MEIS2: variants seen among roughly 807,000 people sequenced by gnomAD.
MEIS2 encodes Meis homeobox 2.
MEIS2 carries 9 observed loss-of-function variants against 58.6 expected under a neutral mutation model. The ratio of observed to expected loss-of-function variants is 0.15; its 90% confidence interval spans 0.09 to 0.27. MEIS2 has a LOEUF of 0.27. Ranked by LOEUF, MEIS2 falls within the 10% of genes least tolerant of loss-of-function variation. MEIS2 has a pLI of 1.00. For synonymous variants in MEIS2, 221 were observed against 228.4 expected (o/e 0.97, Z 0.29); for missense variants, 427 against 635.0 (o/e 0.67, Z 3.52).
At chr15:36,905,753 A>C (rs1476235732) in intron 9 of MEIS2, among the ~76,000 whole-genome samples, 1 of 152,252 alleles carries the variant, frequency 6.6e-6, no homozygotes, top group African/African-American at 2.4e-5. Context: ...AATATAAGAC[A>C]AAGTTATATA....
chr15:36,928,820 A>G (rs1026321557), intron 9 of MEIS2, among the ~76,000 whole-genome samples: 4 of 152,150 alleles, frequency 2.6e-5, no homozygotes, highest in East Asian at 1.9e-4. Flanking sequence ...AGTATCTTCT[A>G]TCTTCCCCTG....
intron 8 of MEIS2, among the ~76,000 whole-genome samples, chr15:36,956,840 A>G (rs1455742856): frequency 6.9e-6 from 1 of 145,700 alleles, no homozygotes; most frequent in Non-Finnish European, 1.5e-5. Flanking sequence ...GATTATGTGG[A>G]CCTTTTTCAG....
chr15:36,902,368 C>T (rs1029305738), intron 9 of MEIS2, among the ~76,000 whole-genome samples: 2 of 152,186 alleles, frequency 1.3e-5, no homozygotes, highest in Non-Finnish European at 1.5e-5. Flanking sequence ...ATGTACAATG[C>T]TATGGTGGAG....
At chr15:36,942,569 C>T (rs1406881908) in intron 9 of MEIS2, among the ~76,000 whole-genome samples, 1 of 152,138 alleles carries the variant, frequency 6.6e-6, no homozygotes, top group Non-Finnish European at 1.5e-5. Context: ...CCTACATTTA[C>T]TCATTACCAG....
chr15:36,913,609 T>C (rs2057141861), intron 9 of MEIS2, among the ~76,000 whole-genome samples: 2 of 152,168 alleles, frequency 1.3e-5, no homozygotes, highest in South Asian at 4.1e-4. Flanking sequence ...TTTAAAAACC[T>C]CAAAACTTAT....
At chr15:36,949,435 T>C (rs2058680678) in intron 9 of MEIS2, among the ~76,000 whole-genome samples, 1 of 152,162 alleles carries the variant, frequency 6.6e-6, no homozygotes, top group Middle Eastern at 3.4e-3. Context: ...TTGATAAATA[T>C]ATTAAGGAAA....
chr15:37,078,393 C>A (rs1380127540), intron 7 of MEIS2, among the ~76,000 whole-genome samples: 2 of 149,776 alleles, frequency 1.3e-5, no homozygotes, highest in African/African-American at 4.9e-5. Context: ...AAATATGGTT[C>A]TCTTTCAATT....
At chr15:37,046,632 T>C (rs991721613) in intron 7 of MEIS2, among the ~76,000 whole-genome samples, 4 of 152,176 alleles carry the variant, frequency 2.6e-5, no homozygotes, top group African/African-American at 9.7e-5. Context: ...ATTTTCCATA[T>C]CATGTTGAAT....
At chr15:37,040,076 A>ATG (rs35630750) in intron 7 of MEIS2, among the ~76,000 whole-genome samples, 23,077 of 145,428 alleles carry the variant, frequency 0.16, 1,741 homozygotes, top group South Asian at 0.22. Context: ...AAGGCTGTGT[A>ATG]TGTGTGTGTG....
intron 8 of MEIS2, among the ~76,000 whole-genome samples, chr15:37,019,870 T>C (rs2061465532): frequency 6.6e-6 from 1 of 152,188 alleles, no homozygotes; most frequent in Admixed American, 6.5e-5. Flanking sequence ...TTTGTTTAAG[T>C]AACCACTGTT....
intron 9 of MEIS2, among the ~76,000 whole-genome samples, chr15:36,944,377 A>G (rs2058483832): frequency 6.6e-6 from 1 of 152,118 alleles, no homozygotes. Flanking sequence ...ATGACTGGAA[A>G]CTGGACAGAG....
rs898783999 is a variant in MEIS2 at position 36,891,846 on chromosome 15, T to G, written c.*327A>C. The G allele has an allele frequency of 2.9e-6, 1 of 344,222 alleles. No individual in the cohort carries two copies. 21.3% of individuals were successfully genotyped at this position (344,222 alleles called of 1,614,324 possible). A position where few individuals can be genotyped will look rare whatever the true frequency, so the allele number is the denominator to read the frequency against. The stretch of plus-strand genomic sequence containing the variant: ...AAACAAGGATATATTTTTTTTTCTC[T>G]TCTAAAACTATTTGAGGCAACATAA... On this transcript the variant is annotated 3_prime_UTR_variant, in exon 12 of 12. Transcript: ENST00000561208.
intron 8 of MEIS2, among the ~76,000 whole-genome samples, chr15:37,034,759 GTGACTC>G (rs2062078319): frequency 6.6e-6 from 1 of 152,150 alleles, no homozygotes; most frequent in Admixed American, 6.5e-5. Flanking sequence ...TTTCTCCCTT[GTGACTC>G]TGAGCGTATT....
intron 9 of MEIS2, among the ~76,000 whole-genome samples, chr15:36,946,176 A>G (rs989076499): frequency 8.6e-5 from 13 of 152,002 alleles, no homozygotes; most frequent in African/African-American, 2.4e-4. Flanking sequence ...CTCTATTTCA[A>G]TGATTACTGT....
At chr15:37,014,197 C>T (rs1042294527) in intron 8 of MEIS2, among the ~76,000 whole-genome samples, 11 of 152,134 alleles carry the variant, frequency 7.2e-5, no homozygotes, top group African/African-American at 1.9e-4. Flanking sequence ...ATATGTGAAG[C>T]GTAGACCCAG....
At chr15:37,057,488 T>G (rs1341194028) in intron 7 of MEIS2, among the ~76,000 whole-genome samples, 1 of 152,176 alleles carries the variant, frequency 6.6e-6, no homozygotes, top group East Asian at 1.9e-4. Flanking sequence ...GCTGCCATTC[T>G]GAACCCAAAC....
Position 36,983,642 on chromosome 15 carries a change from C to A in MEIS2, c.901-33242G>T, listed in dbSNP as rs148054947. Among the ~76,000 whole-genome samples the A allele has an allele frequency of 3.2e-3, 491 of 151,964 alleles. 1 individual carries two copies. The highest frequency in any genetic ancestry group is 0.024 in the Middle Eastern group (7 of 294). ...TGGCTATTTGGAATCTTTTGTGGTACCATATAATTTTAGGATTGTTTTTTC... is the reference window on the plus strand; with the variant it reads ...TGGCTATTTGGAATCTTTTGTGGTAACATATAATTTTAGGATTGTTTTTTC... On this transcript the variant is annotated intron_variant, in intron 8 of 11. Transcript: ENST00000561208.
chr15:36,986,437 C>T (rs748256138), intron 8 of MEIS2, among the ~76,000 whole-genome samples: 22 of 152,234 alleles, frequency 1.4e-4, no homozygotes, highest in Non-Finnish European at 2.8e-4. Flanking sequence ...GAACTTGCTC[C>T]TTCCTGTGCT....
intron 8 of MEIS2, among the ~76,000 whole-genome samples, chr15:36,959,651 A>T (rs1161540220): frequency 1.3e-5 from 2 of 152,186 alleles, no homozygotes; most frequent in Non-Finnish European, 2.9e-5. Flanking sequence ...TATCCACATC[A>T]AAATTGAAAT....
Sources: allele counts gnomAD v4.1 joint callset (sites outside exome capture counted in the v4.1 genomes callset), GRCh38; gene constraint gnomAD v4.1.1; transcripts MANE v1.5; gene names NCBI Gene and HGNC (gene_info 2026-07-23, HGNC 2026-07-21).